The following VGLL4 variants were observed in gnomAD, a reference collection of about 807,000 sequenced individuals.
The protein encoded by VGLL4 is transcription cofactor vestigial-like protein 4.
VGLL4 carries 7 observed loss-of-function variants against 21.0 expected under a neutral mutation model. The observed-to-expected ratio is 0.33, with a 90% CI of 0.19 to 0.63. The LOEUF (loss-of-function observed/expected upper bound fraction) is 0.63. Ranked by LOEUF, VGLL4 falls within the 20% of genes least tolerant of loss-of-function variation. The pLI is 0.78. For synonymous variants in VGLL4, 222 were observed against 173.2 expected (o/e 1.28, Z -2.21); for missense variants, 394 against 425.7 (o/e 0.93, Z 0.66).
chr3:11,582,751 C>G (rs2074265760), intron 2 of VGLL4, among the ~76,000 whole-genome samples: 1 of 152,162 alleles, frequency 6.6e-6, no homozygotes, highest in Admixed American at 6.5e-5. Flanking sequence ...GCATGCAACT[C>G]CACAGCAGGG....
At chr3:11,639,152 A>G (rs1484961879) in intron 1 of VGLL4, among the ~76,000 whole-genome samples, 1 of 152,218 alleles carries the variant, frequency 6.6e-6, no homozygotes, top group African/African-American at 2.4e-5. Flanking sequence ...CAGCAGTGTA[A>G]AGCCCCAGCC....
At chr3:11,702,737 A>C (rs961458353) in intron 2 of VGLL4, 18 of 250,560 alleles carry the variant, frequency 7.2e-5, no homozygotes, top group Admixed American at 2.2e-4. Context: ...ATCTCAAAAA[A>C]AAAAAAACAA....
In VGLL4 at chr3:11,558,302, G is replaced by T; in HGVS notation, c.*254C>A. On this transcript the variant is annotated 3_prime_UTR_variant, in exon 5 of 5. Coordinates refer to ENST00000430365, the MANE Select transcript of VGLL4 (RefSeq NM_001128219.3). Reference sequence around the variant, plus strand: ...CATCAGAGGTTTCTTTGGTAACTGAGGCAGGAAGTAAGGATGCTACATTAG... The same window carrying T: ...CATCAGAGGTTTCTTTGGTAACTGATGCAGGAAGTAAGGATGCTACATTAG... 1 of 592,216 alleles carries T rather than the reference G, an allele frequency of 1.7e-6. No homozygotes were observed. The highest frequency in any genetic ancestry group is 2.8e-6 in the Non-Finnish European group (1 of 351,980). 36.7% of individuals were successfully genotyped at this position (592,216 alleles called of 1,614,324 possible). A position where few individuals can be genotyped will look rare whatever the true frequency, so the allele number is the denominator to read the frequency against.
chr3:11,568,630 C>T lies in VGLL4; in HGVS notation c.273-3611G>A, dbSNP rs187656281. On this transcript the variant is annotated intron_variant, in intron 2 of 4. Coordinates refer to ENST00000430365, the MANE Select transcript of VGLL4 (RefSeq NM_001128219.3). This position sits in a 1 kb window ranked among gnomAD's most constrained non-coding sequence, Gnocchi z 5.9. ...ATTTCCAGCTCATTTTCCTGGTTCC[C>T]GGAGCTTCAAGACAGACATTGTTTT... 86 of 1,569,542 alleles carry T rather than the reference C, an allele frequency of 5.5e-5. No homozygotes were observed. In the East Asian group the frequency reaches 1.4e-3, roughly 25 times the overall value.
chr3:11,663,532 A>G (rs969971215), intron 2 of VGLL4, among the ~76,000 whole-genome samples: 1 of 152,188 alleles, frequency 6.6e-6, no homozygotes, highest in African/African-American at 2.4e-5. Context: ...AGCCTGGCCA[A>G]CATGGCAAAA....
At chr3:11,616,213 C>T (rs1489225314) in intron 1 of VGLL4, among the ~76,000 whole-genome samples, 1 of 152,200 alleles carries the variant, frequency 6.6e-6, no homozygotes, top group Non-Finnish European at 1.5e-5. Context: ...CCCACCTCCC[C>T]TCCCACCTGC....
rs1338743347 is a variant in VGLL4 at position 11,565,358 on chromosome 3, G to C, written c.273-339C>G. 6.6e-6 allele frequency among the ~76,000 whole-genome samples: 1 copy of C among 152,134 alleles called. No individual in the cohort carries two copies. Among genetic ancestry groups the C allele is most frequent in the Admixed American group, 6.6e-5 (1 of 15,242 alleles). On this transcript the variant is annotated intron_variant, in intron 2 of 4. Coordinates refer to ENST00000430365, the MANE Select transcript of VGLL4 (RefSeq NM_001128219.3). The surrounding 1 kb of genome is among the most constrained non-coding windows in gnomAD (Gnocchi z 4.1). ...GCTGGAGGCCAAGCTGGTTCGATAA[G>C]GACCTGCCATTTGGACAGGACGGGG... is the stretch of plus-strand genomic sequence containing the variant.
intron 3 of VGLL4, among the ~76,000 whole-genome samples, chr3:11,563,006 G>C (rs1021654255): frequency 2.6e-5 from 4 of 152,232 alleles, no homozygotes; most frequent in South Asian, 2.1e-4. Context: ...AGAGAGTCAG[G>C]CCACTCTGTT....
chr3:11,576,679 T>TAGTCA (rs1454115743), intron 2 of VGLL4, among the ~76,000 whole-genome samples: 1 of 152,220 alleles, frequency 6.6e-6, no homozygotes, highest in Non-Finnish European at 1.5e-5. Flanking sequence ...CATCCAGTGC[T>TAGTCA]AGTCAACCCA....
intron 1 of VGLL4, among the ~76,000 whole-genome samples, chr3:11,713,098 T>C (rs2076870548): frequency 6.6e-6 from 1 of 152,038 alleles, no homozygotes; most frequent in Non-Finnish European, 1.5e-5. Flanking sequence ...CACGAACAGG[T>C]ACAGTAGTAG....
intron 2 of VGLL4, among the ~76,000 whole-genome samples, chr3:11,700,961 G>C (rs1305073255): frequency 6.6e-6 from 1 of 152,110 alleles, no homozygotes; most frequent in African/African-American, 2.4e-5. Context: ...AGCTAAGTAA[G>C]TGTGAATTAT....
In VGLL4 at chr3:11,558,310, G is replaced by A; in HGVS notation, c.*246C>T. The A allele has an allele frequency of 3.2e-6, 2 of 617,604 alleles. No individual in the cohort carries two copies. The highest frequency in any genetic ancestry group is 2.9e-5 in the East Asian group (1 of 35,044). The allele number at this position is 617,604 out of a possible 1,614,324, so 38.3% of individuals were successfully genotyped here. On this transcript the variant is annotated 3_prime_UTR_variant, in exon 5 of 5. Coordinates refer to ENST00000430365, the MANE Select transcript of VGLL4 (RefSeq NM_001128219.3). The stretch of plus-strand genomic sequence containing the variant: ...GTTTCTTTGGTAACTGAGGCAGGAA[G>A]TAAGGATGCTACATTAGACAGATGT...
intron 2 of VGLL4, among the ~76,000 whole-genome samples, chr3:11,570,385 T>A (rs2073728093): frequency 6.6e-6 from 1 of 152,096 alleles, no homozygotes. Flanking sequence ...CCAAGGTCTG[T>A]CCCCGGACAG....
chr3:11,705,629 C>A (rs1030423272), intron 1 of VGLL4, among the ~76,000 whole-genome samples: 1 of 152,216 alleles, frequency 6.6e-6, no homozygotes, highest in African/African-American at 2.4e-5. Flanking sequence ...AAAAAGTCTG[C>A]TGAACTCCCA....
In VGLL4 at chr3:11,565,841, G is replaced by C. The variant is rs2073465187; in HGVS notation, c.273-822C>G. Among the ~76,000 whole-genome samples, 1 of 152,176 alleles carries C rather than the reference G, an allele frequency of 6.6e-6. No individual in the cohort carries two copies. The highest frequency in any genetic ancestry group is 1.5e-5 in the Non-Finnish European group (1 of 68,024). The stretch of plus-strand genomic sequence containing the variant: ...ATCTATTAGACACCAACCCCACACA[G>C]GTAAGCCATGGCCAGCCCTGGTCCA... On this transcript the variant is annotated intron_variant, in intron 2 of 4. Coordinates refer to ENST00000430365, the MANE Select transcript of VGLL4 (RefSeq NM_001128219.3). The surrounding 1 kb of genome is among the most constrained non-coding windows in gnomAD (Gnocchi z 4.1).
chr3:11,569,987 G>C (rs1184910676), intron 2 of VGLL4, among the ~76,000 whole-genome samples: 1 of 152,212 alleles, frequency 6.6e-6, no homozygotes, highest in African/African-American at 2.4e-5. Context: ...GTGGTCAGCT[G>C]TATGCTCTGC....
intron 1 of VGLL4, among the ~76,000 whole-genome samples, chr3:11,716,794 G>GT (rs573016411): frequency 7.2e-4 from 108 of 150,516 alleles, no homozygotes; most frequent in Admixed American, 2.5e-3. Flanking sequence ...ATGATACTGG[G>GT]TTTTTTTTTG....
chr3:11,561,010 G>A (rs539080936), intron 3 of VGLL4, among the ~76,000 whole-genome samples: 5 of 151,992 alleles, frequency 3.3e-5, no homozygotes, highest in Admixed American at 6.6e-5. Context: ...GCAGAATACC[G>A]AGACCTGGAC....
upstream of VGLL4, chr3:11,643,961 C>T (rs774893264): frequency 2.6e-5 from 26 of 993,218 alleles, no homozygotes; most frequent in Non-Finnish European, 3.0e-5. Flanking sequence ...CCGCAGGAGG[C>T]CGAGCATGCT....
Sources: allele counts gnomAD v4.1 joint callset (sites outside exome capture counted in the v4.1 genomes callset), GRCh38; gene constraint gnomAD v4.1.1; non-coding constraint Gnocchi (gnomAD v3.1); transcripts MANE v1.5; gene names NCBI Gene and HGNC (gene_info 2026-07-23, HGNC 2026-07-21).